FANCA: variants seen among roughly 807,000 people sequenced by gnomAD.
The protein encoded by FANCA is Fanconi anemia group A protein.
In FANCA, 236 loss-of-function variants were observed where a neutral mutation model predicts 194.3. The ratio of observed to expected loss-of-function variants is 1.21; its 90% CI spans 1.09 to 1.35. FANCA has a LOEUF of 1.35. FANCA is among the 40% of genes most tolerant of loss of function. The pLI, the probability that FANCA is intolerant of heterozygous loss-of-function variation, is 0.00. For synonymous variants in FANCA, 1,014 were observed against 715.8 expected (o/e 1.42, Z -6.65); for missense variants, 2,628 against 1,813.9 (o/e 1.45, Z -8.15).
chr16:89,781,859 G>A (rs2039719411), intron 17 of FANCA, among the ~76,000 whole-genome samples: 2 of 146,350 alleles, frequency 1.4e-5, no homozygotes, highest in African/African-American at 5.1e-5. Flanking sequence ...AAATTAGCCA[G>A]GCGTGGTGGC....
chr16:89,808,515 C>A (rs1440320769), intron 5 of FANCA, 148 bp from the exon 6 acceptor site: 5 of 794,078 alleles, frequency 6.3e-6, no homozygotes, highest in African/African-American at 1.8e-5. Flanking sequence ...AAACTTAGAG[C>A]CTGAAACACA....
rs17226729 is a variant in FANCA, at chr16:89,767,058, G to A, written c.2601+83C>T. The A allele has an allele frequency of 3.6e-6, 4 of 1,110,836 alleles. No homozygotes were observed. The South Asian group carries it at 3.7e-5, about 10-fold the overall frequency. The allele number at this position is 1,110,836 out of a possible 1,614,324, so 68.8% of individuals were successfully genotyped here. Reference sequence around the variant, plus strand: ...CCCCTGAGATGGGCACAAAGCGGCAGCAGACCTCGGCCTTCCGGTCCGAAA... The same window carrying A: ...CCCCTGAGATGGGCACAAAGCGGCAACAGACCTCGGCCTTCCGGTCCGAAA... On this transcript the variant is annotated intron_variant, in intron 27 of 42. Transcript: ENST00000389301.
chr16:89,782,114 A>G (rs1406117922), intron 17 of FANCA, among the ~76,000 whole-genome samples: 1 of 147,676 alleles, frequency 6.8e-6, no homozygotes, highest in African/African-American at 2.5e-5. Flanking sequence ...AGTGGCTCAC[A>G]CCTATAATCC....
chr16:89,743,812 A>C (rs12448600), intron 36 of FANCA, among the ~76,000 whole-genome samples: 14,457 of 152,164 alleles, frequency 0.095, 2,119 homozygotes, highest in East Asian at 0.63. Context: ...GACAAGAGTG[A>C]AACTCTGTCT....
intron 31 of FANCA, among the ~76,000 whole-genome samples, chr16:89,751,837 C>G (rs1274244711): frequency 2.0e-5 from 3 of 151,474 alleles, no homozygotes; most frequent in Non-Finnish European, 4.4e-5. Context: ...GTGGCACAAT[C>G]TCGGCTCACT....
chr16:89,784,786 A>C (rs2039841205), intron 15 of FANCA, 68 bp downstream of exon 15: 1 of 1,257,540 alleles, frequency 8.0e-7, no homozygotes, highest in South Asian at 1.2e-5. Flanking sequence ...GGGGAGGCCA[A>C]GGCAGTCCTC....
intron 22 of FANCA, among the ~76,000 whole-genome samples, 172 bp downstream of exon 22, chr16:89,773,099 C>T (rs2039379684): frequency 6.6e-6 from 1 of 152,194 alleles, no homozygotes; most frequent in South Asian, 2.1e-4. Context: ...TAGCCTTCCA[C>T]CTTGTCTCAA....
At chr16:89,741,283 G>A (rs1003674848) in intron 37 of FANCA, among the ~76,000 whole-genome samples, 2 of 152,170 alleles carry the variant, frequency 1.3e-5, no homozygotes, top group Non-Finnish European at 2.9e-5. Flanking sequence ...GACACTCCTC[G>A]CTGCACACTA....
intron 22 of FANCA, among the ~76,000 whole-genome samples, chr16:89,772,941 G>A (rs779434732): frequency 5.3e-5 from 8 of 152,172 alleles, no homozygotes; most frequent in Non-Finnish European, 1.0e-4. Context: ...CTGTGTGTCT[G>A]ATGTGACATC....
chr16:89,782,936 A>G lies in FANCA; in HGVS notation c.1567-18T>C, dbSNP rs771520715. The G allele has an allele frequency of 2.5e-6, 4 of 1,613,766 alleles. No homozygotes were observed. The highest frequency in any genetic ancestry group is 3.4e-6 in the Non-Finnish European group (4 of 1,179,648). On this transcript the variant is annotated intron_variant, in intron 16 of 42. Coordinates refer to ENST00000389301, the MANE Select transcript of FANCA (RefSeq NM_000135.4). Reference sequence around the variant, plus strand: ...ATAGAAACCTTCAGGGAAGACACAGAATGAGAACAAGAAAACAAAGCAGTT... The same window carrying G: ...ATAGAAACCTTCAGGGAAGACACAGGATGAGAACAAGAAAACAAAGCAGTT...
chr16:89,805,076 G>T (rs1483382340), intron 7 of FANCA, among the ~76,000 whole-genome samples: 1 of 152,108 alleles, frequency 6.6e-6, no homozygotes, highest in Admixed American at 6.6e-5. Context: ...TTAAACTCAT[G>T]TCAAGGCCGA....
chr16:89,753,658 A>G lies in FANCA; in HGVS notation c.2982-1436T>C, dbSNP rs545997799. ...CCTGGCATGGATGAAAACCCACAGC[A>G]AACGTCAGATTTAATGAGGAAAGAC... On this transcript the variant is annotated intron_variant, in intron 30 of 42. Coordinates refer to ENST00000389301, the MANE Select transcript of FANCA (RefSeq NM_000135.4). Among the ~76,000 whole-genome samples, 6 of 152,310 alleles carry G rather than the reference A, an allele frequency of 3.9e-5. No homozygotes were observed. The East Asian group carries it at 1.2e-3, about 29-fold the overall frequency.
At chr16:89,775,434 A>C (rs1367895219) in intron 21 of FANCA, among the ~76,000 whole-genome samples, 2 of 152,218 alleles carry the variant, frequency 1.3e-5, no homozygotes, top group African/African-American at 4.8e-5. Flanking sequence ...AGAGCACCCG[A>C]GTCTGAAGCC....
chr16:89,791,516 CCAT>C lies in FANCA; in HGVS notation c.1243_1245del (p.Met415del). ...AGCTGGCAGCTCTCGAATGCCTGGG[CCAT>C]CAAACGCGCCACCCAGTCTAGTTAA... is the stretch of plus-strand genomic sequence containing the variant. On this transcript the variant is annotated inframe_deletion, in exon 14 of 43. Coordinates refer to ENST00000389301, the MANE Select transcript of FANCA (RefSeq NM_000135.4). 6.2e-7 allele frequency: 1 copy of C among 1,614,122 alleles called. No homozygotes were observed. Among genetic ancestry groups the C allele is most frequent in the East Asian group, 2.2e-5 (1 of 44,884 alleles).
chr16:89,741,184 G>A (rs1250125154), intron 37 of FANCA, among the ~76,000 whole-genome samples: 1 of 152,152 alleles, frequency 6.6e-6, no homozygotes, highest in African/African-American at 2.4e-5. Flanking sequence ...TCCCTGCAAG[G>A]CCTCCTGTCA....
rs767444643 is a variant in FANCA at position 89,799,633 on chromosome 16, C to T, written c.798G>A (p.Thr266=). The change falls in exon 9 of 43, where the codon ACG becomes ACA. Residue 266 remains threonine, a synonymous_variant. Transcript: ENST00000389301. ...TVEPEKMPQV[T]VDVLQRMLIF... Reference sequence around the variant, plus strand: ...TCAGCATTCTCTGCAGTACATCAACCGTGACCTGTCAAAATAGAATGTGAG... The same window carrying T: ...TCAGCATTCTCTGCAGTACATCAACTGTGACCTGTCAAAATAGAATGTGAG... The T allele has an allele frequency of 7.4e-6, 12 of 1,613,196 alleles. No individual in the cohort carries two copies. The highest frequency in any genetic ancestry group is 1.3e-5 in the African/African-American group (1 of 75,006).
chr16:89,812,345 C>T (rs1450097003), intron 3 of FANCA, among the ~76,000 whole-genome samples: 1 of 148,200 alleles, frequency 6.7e-6, no homozygotes, highest in Non-Finnish European at 1.5e-5. Flanking sequence ...CTCAAAAAAA[C>T]AAAACAAAAA....
rs36104377 is a variant in FANCA at position 89,746,953 on chromosome 16, G to C, written c.3349-63C>G. ...GGAAGAGAGGCGAGACCAACATGCA[G>C]AGTGGCTGCTGTGGATTCAGTTTTG... is the stretch of plus-strand genomic sequence containing the variant. On this transcript the variant is annotated intron_variant, in intron 33 of 42. Coordinates refer to ENST00000389301, the MANE Select transcript of FANCA (RefSeq NM_000135.4). The C allele has an allele frequency of 2.4e-4, 344 of 1,414,992 alleles. 2 individuals carry two copies. The African/African-American group carries it at 3.6e-3, about 15-fold the overall frequency. 87.7% of individuals were successfully genotyped at this position (1,414,992 alleles called of 1,614,324 possible).
In FANCA at chr16:89,750,984, C is replaced by T. The variant is rs371902878; in HGVS notation, c.3067-1082G>A. Among the ~76,000 whole-genome samples, 42 of 152,260 alleles carry T rather than the reference C, an allele frequency of 2.8e-4. No homozygotes were observed. The South Asian group carries it at 5.6e-3, about 20-fold the overall frequency. ...CTTGGCTTATGGCAGCCTTGACTCT[C>T]GAGCTCAGCTGATTCTCCTAAGTCA... On this transcript the variant is annotated intron_variant, in intron 31 of 42. Transcript: ENST00000389301.
Sources: gnomAD v4.1 joint callset for allele counts (sites outside exome capture counted in the v4.1 genomes callset) on GRCh38, gnomAD v4.1.1 for gene constraint, MANE v1.5 for transcripts, NCBI Gene and HGNC (gene_info 2026-07-23, HGNC 2026-07-21) for gene names.